CRIM1: variants seen among roughly 807,000 people sequenced by gnomAD.
CRIM1 encodes cysteine rich transmembrane BMP regulator 1, also known as cysteine-rich motor neuron 1 protein.
A neutral mutation model predicts 116.4 loss-of-function variants in CRIM1; 32 were observed. The ratio of observed to expected loss-of-function variants is 0.27; its 90% CI spans 0.21 to 0.37. The LOEUF (loss-of-function observed/expected upper bound fraction) is 0.37, where lower values mean the gene tolerates loss of function less well. Ranked by LOEUF, CRIM1 falls within the 10% of genes least tolerant of loss-of-function variation. The pLI is 1.00. For synonymous variants in CRIM1, 590 were observed against 509.2 expected, an observed-to-expected ratio of 1.16 and a Z score of -2.13; for missense variants, 1,331 against 1,354.8, an observed-to-expected ratio of 0.98 and a Z score of 0.28.
At chr2:36,445,803 A>G (rs749231880) in intron 4 of CRIM1, among the ~76,000 whole-genome samples, 5 of 152,208 alleles carry the variant, frequency 3.3e-5, no homozygotes, top group African/African-American at 4.8e-5. Flanking sequence ...AAAGCCTAAC[A>G]TGTAATAATA....
At chr2:36,516,737 C>T (rs552994846) in intron 11 of CRIM1, among the ~76,000 whole-genome samples, 30 of 152,260 alleles carry the variant, frequency 2.0e-4, no homozygotes, top group African/African-American at 7.2e-4. Flanking sequence ...TAAAAGTACT[C>T]AGGATCCCAG....
At chr2:36,363,904 A>T (rs1182448505) in intron 1 of CRIM1, among the ~76,000 whole-genome samples, 1 of 152,192 alleles carries the variant, frequency 6.6e-6, no homozygotes, top group Non-Finnish European at 1.5e-5. Flanking sequence ...AGGCAAAACC[A>T]GAAGTCAGAG....
intron 3 of CRIM1, 128 bp from the exon 4 acceptor site, chr2:36,442,487 G>T: frequency 9.5e-7 from 1 of 1,053,492 alleles, no homozygotes; most frequent in South Asian, 1.4e-5. Flanking sequence ...GTAACATGTC[G>T]ACACTAGGAC....
At chr2:36,458,416 A>C (rs1277540015) in intron 4 of CRIM1, among the ~76,000 whole-genome samples, 3 of 152,118 alleles carry the variant, frequency 2.0e-5, no homozygotes, top group Non-Finnish European at 4.4e-5. Flanking sequence ...TCTTCCTTTA[A>C]GGTTTTTCTG....
chr2:36,426,738 T>G (rs368610512), intron 2 of CRIM1, among the ~76,000 whole-genome samples: 72 of 152,336 alleles, frequency 4.7e-4, no homozygotes, highest in African/African-American at 1.7e-3. Flanking sequence ...TCCCCCTTGT[T>G]TATATCTGAC....
chr2:36,373,479 G>A (rs1233222778), intron 1 of CRIM1, among the ~76,000 whole-genome samples: 2 of 152,222 alleles, frequency 1.3e-5, no homozygotes, highest in Non-Finnish European at 2.9e-5. Flanking sequence ...GAAATCAGTT[G>A]CTTGAACCAG....
At chr2:36,487,183 A>G (rs1029818843) in intron 7 of CRIM1, among the ~76,000 whole-genome samples, 10 of 152,062 alleles carry the variant, frequency 6.6e-5, no homozygotes, top group African/African-American at 2.4e-4. Context: ...TTCATCTCCT[A>G]CTGTTTGCCT....
chr2:36,534,440 G>A (rs1666366684), intron 13 of CRIM1, among the ~76,000 whole-genome samples: 1 of 142,412 alleles, frequency 7.0e-6, no homozygotes, highest in African/African-American at 2.7e-5. Flanking sequence ...GGACAGGAAG[G>A]GAGGGAGAGA....
chr2:36,422,842 A>G (rs1397634607), intron 2 of CRIM1, among the ~76,000 whole-genome samples: 1 of 152,104 alleles, frequency 6.6e-6, no homozygotes, highest in African/African-American at 2.4e-5. Context: ...TGGGGCTGAA[A>G]TTTGCTTTCT....
At chr2:36,492,977 G>A (rs567815445) in intron 7 of CRIM1, among the ~76,000 whole-genome samples, 109 of 152,282 alleles carry the variant, frequency 7.2e-4, no homozygotes, top group Non-Finnish European at 1.4e-3. Flanking sequence ...AATTTACAAA[G>A]AAGAGCTATG....
chr2:36,374,694 T>A (rs1349514297), intron 1 of CRIM1, among the ~76,000 whole-genome samples: 3 of 152,142 alleles, frequency 2.0e-5, no homozygotes, highest in Admixed American at 2.0e-4. Context: ...AAATTCTATT[T>A]AAGAGAAAAT....
chr2:36,509,885 C>A (rs1681694650), intron 8 of CRIM1, 98 bp from the exon 9 acceptor site: 4 of 1,040,950 alleles, frequency 3.8e-6, no homozygotes, highest in East Asian at 4.8e-5. Flanking sequence ...AAATTGAGAT[C>A]TGTGGAAGAG....
chr2:36,525,695 C>CCA, intron 13 of CRIM1, among the ~76,000 whole-genome samples: 1 of 152,262 alleles, frequency 6.6e-6, no homozygotes, highest in Non-Finnish European at 1.5e-5. Context: ...TCACCCCAGC[C>CCA]CACAGTGCTG....
At chr2:36,466,993 A>G (rs1351702112) in intron 5 of CRIM1, among the ~76,000 whole-genome samples, 1 of 152,220 alleles carries the variant, frequency 6.6e-6, no homozygotes, top group Non-Finnish European at 1.5e-5. Flanking sequence ...GTCTTGCTCC[A>G]GTCTGATGTG....
intron 4 of CRIM1, among the ~76,000 whole-genome samples, chr2:36,447,325 A>T (rs571214429): frequency 6.6e-6 from 1 of 152,316 alleles, no homozygotes; most frequent in African/African-American, 2.4e-5. Context: ...CAAGAAATAT[A>T]TCGGGGAATA....
chr2:36,454,489 G>C (rs372577084), intron 4 of CRIM1, among the ~76,000 whole-genome samples: 1 of 152,136 alleles, frequency 6.6e-6, no homozygotes, highest in Non-Finnish European at 1.5e-5. Flanking sequence ...AGGCATGATG[G>C]GGGGCTTCAG....
intron 1 of CRIM1, among the ~76,000 whole-genome samples, chr2:36,384,967 C>T (rs1020551799): frequency 2.6e-5 from 4 of 151,892 alleles, no homozygotes; most frequent in African/African-American, 7.3e-5. Flanking sequence ...AATGGTATGC[C>T]GTACATATGA....
At position 36,546,965 on chromosome 2, in the gene CRIM1, A is replaced by G. The variant is rs200344208; in HGVS notation, c.2747-19A>G. The G allele has an allele frequency of 1.4e-6, 2 of 1,455,314 alleles. No homozygotes were observed. The highest frequency in any genetic ancestry group is 2.3e-5 in the East Asian group (1 of 43,502). The allele number at this position is 1,455,314 out of a possible 1,614,324, so 90.2% of individuals were successfully genotyped here. A position where few individuals can be genotyped will look rare whatever the true frequency, so the allele number is the denominator to read the frequency against. On this transcript the variant is annotated intron_variant, in intron 15 of 16. Coordinates refer to ENST00000280527, the MANE Select transcript of CRIM1 (RefSeq NM_016441.3). ...ATTCTGGTTTAGGTAATAAATGCTT[A>G]TAATTTTTTTTCTCCTAGATATGGG...
At chr2:36,439,964 A>G (rs967461784) in intron 2 of CRIM1, among the ~76,000 whole-genome samples, 2 of 152,174 alleles carry the variant, frequency 1.3e-5, no homozygotes, top group Non-Finnish European at 2.9e-5. Context: ...GTTTCAGTGA[A>G]TTTACTAGAA....
Sources: allele counts gnomAD v4.1 joint callset (sites outside exome capture counted in the v4.1 genomes callset), GRCh38; gene constraint gnomAD v4.1.1; transcripts MANE v1.5; gene names NCBI Gene and HGNC (gene_info 2026-07-23, HGNC 2026-07-21).